RIMKLB: variants seen among roughly 807,000 people sequenced by gnomAD.
RIMKLB encodes the protein beta-citrylglutamate synthase B.
In RIMKLB, 7 loss-of-function variants were observed where a neutral mutation model predicts 32.0. That is an observed-to-expected ratio of 0.22 (90% CI 0.12 to 0.41). The LOEUF is 0.41. RIMKLB is among the 10% of genes least tolerant of loss of function. The probability of loss-of-function intolerance (pLI) is 1.00; values close to 1 mark genes in which losing one functional copy is unlikely to be tolerated. For missense variants in RIMKLB, 289 were observed against 498.7 expected (o/e 0.58, Z 4.00); for synonymous variants, 172 against 185.1 (o/e 0.93, Z 0.57).
chr12:8,718,095 A>G (rs1430337884), intron 2 of RIMKLB, among the ~76,000 whole-genome samples: 1 of 152,048 alleles, frequency 6.6e-6, no homozygotes, highest in Non-Finnish European at 1.5e-5. Flanking sequence ...ATTTTTCACA[A>G]CTATCCCACT....
At chr12:8,689,716 G>T (rs932300642) in intron 1 of RIMKLB, among the ~76,000 whole-genome samples, 2 of 151,736 alleles carry the variant, frequency 1.3e-5, no homozygotes, top group Non-Finnish European at 2.9e-5. Context: ...TCCTTTCTCC[G>T]GTGTCTTTGT....
At chr12:8,767,554 T>A (rs1950069520) in intron 5 of RIMKLB, among the ~76,000 whole-genome samples, 1 of 152,176 alleles carries the variant, frequency 6.6e-6, no homozygotes, top group Non-Finnish European at 1.5e-5. Flanking sequence ...AAAGTCGTGG[T>A]CGGGACCCAG....
intron 2 of RIMKLB, among the ~76,000 whole-genome samples, chr12:8,718,659 A>ATGTGTGTGTGTGTGTGTGTGTG (rs1213938637): frequency 1.7e-4 from 20 of 119,368 alleles, no homozygotes; most frequent in African/African-American, 6.5e-4. Flanking sequence ...CTCTCTATAT[A>ATGTGTGTGTGTGTGTGTGTGTG]TATATATATA....
chr12:8,751,963 A>G lies in RIMKLB; in HGVS notation c.413A>G (p.His138Arg). ...PLPDTFSYGG[H>R]ENFAKMIDEA... is the part of the protein sequence containing the mutation. ...TTTGTATTGCTCAAACCAGGTGGCC[A>G]CGAAAATTTTGCTAAAATGATTGAT... is the stretch of plus-strand genomic sequence containing the variant. Residue 138 changes from histidine to arginine, a missense_variant, in exon 4 of 6, where the codon CAC (histidine) becomes CGC (arginine). Physicochemically the swap from His to Arg is conservative, Grantham distance 29. Transcript: ENST00000535829. 1 of 1,612,076 alleles carries G rather than the reference A, an allele frequency of 6.2e-7. No individual in the cohort carries two copies.
At chr12:8,711,588 A>G (rs1449048440) in intron 1 of RIMKLB, among the ~76,000 whole-genome samples, 5 of 152,108 alleles carry the variant, frequency 3.3e-5, no homozygotes, top group Non-Finnish European at 5.9e-5. Context: ...TTACATATGT[A>G]TACATGTGAC....
At chr12:8,681,687 G>C (rs577534161) in exon 1 of RIMKLB, 1 of 152,286 alleles carries the variant, frequency 6.6e-6, no homozygotes, top group African/African-American at 2.4e-5. Flanking sequence ...GAGCTTCCGG[G>C]TTTATGGATT....
chr12:8,686,161 C>A (rs765172940), intron 1 of RIMKLB, among the ~76,000 whole-genome samples: 10 of 152,164 alleles, frequency 6.6e-5, no homozygotes, highest in Non-Finnish European at 1.5e-4. Flanking sequence ...AGGCTGCTCT[C>A]GAACTCCTGA....
At chr12:8,736,095 A>G (rs1430293638) in intron 2 of RIMKLB, among the ~76,000 whole-genome samples, 2 of 152,214 alleles carry the variant, frequency 1.3e-5, no homozygotes, top group Non-Finnish European at 2.9e-5. Flanking sequence ...TTTTGTTACA[A>G]CTGAAAGATT....
In RIMKLB at chr12:8,713,815, A is replaced by G; in HGVS notation, c.-52A>G. 6.4e-7 allele frequency: 1 copy of G among 1,573,080 alleles called. No individual in the cohort carries two copies. Among genetic ancestry groups the G allele is most frequent in the Non-Finnish European group, 8.8e-7 (1 of 1,142,696 alleles). ...TATATTTTTTCTTCCATCTAGGTAG[A>G]CGTTACATCCAAGAGGAAATAATCC... On this transcript the variant is annotated 5_prime_UTR_variant, in exon 2 of 6. Transcript: ENST00000535829.
chr12:8,675,813 C>T, the RIMKLB span, among the ~76,000 whole-genome samples: 5 of 141,982 alleles, frequency 3.5e-5, no homozygotes, highest in African/African-American at 1.1e-4. Context: ...TTTTTTTTAA[C>T]GGAAGTGTAA....
chr12:8,669,942 G>A, the RIMKLB span, among the ~76,000 whole-genome samples: 300 of 150,476 alleles, frequency 2.0e-3, 3 homozygotes, highest in Non-Finnish European at 3.1e-3. Context: ...CAGGAGAATG[G>A]TGCGAACCCG....
At chr12:8,732,912 G>A (rs1466452235) in intron 2 of RIMKLB, among the ~76,000 whole-genome samples, 3 of 151,962 alleles carry the variant, frequency 2.0e-5, no homozygotes, top group Admixed American at 1.3e-4. Flanking sequence ...TTTTAGTTGA[G>A]GTATAATTCA....
chr12:8,773,112 A>G (rs1048918625), intron 5 of RIMKLB, among the ~76,000 whole-genome samples: 3 of 151,894 alleles, frequency 2.0e-5, no homozygotes, highest in East Asian at 1.9e-4. Context: ...AATATTGACA[A>G]CTTACGAAAT....
intron 2 of RIMKLB, among the ~76,000 whole-genome samples, chr12:8,744,746 T>G (rs1947916416): frequency 6.6e-6 from 1 of 151,850 alleles, no homozygotes; most frequent in East Asian, 1.9e-4. Flanking sequence ...CTTCAACCTC[T>G]GCCTCCTAGG....
chr12:8,722,375 A>T (rs753758324), intron 2 of RIMKLB, among the ~76,000 whole-genome samples: 10 of 151,938 alleles, frequency 6.6e-5, no homozygotes, highest in Non-Finnish European at 8.8e-5. Flanking sequence ...TGAAAGGAAT[A>T]TTTTTTTTCT....
intron 5 of RIMKLB, among the ~76,000 whole-genome samples, chr12:8,771,591 T>G (rs1280557715): frequency 2.0e-5 from 3 of 152,232 alleles, no homozygotes; most frequent in African/African-American, 7.2e-5. Flanking sequence ...TTCTACTGCC[T>G]TGAAGATTTT....
chr12:8,745,011 ACGGGCC>A (rs1207901546), intron 2 of RIMKLB, among the ~76,000 whole-genome samples: 1 of 151,432 alleles, frequency 6.6e-6, no homozygotes, highest in Non-Finnish European at 1.5e-5. Context: ...TCACCTGCCA[ACGGGCC>A]CGGTGTGTGA....
upstream of RIMKLB, chr12:8,678,873 T>G (rs1449698086): frequency 1.3e-5 from 2 of 152,252 alleles, no homozygotes; most frequent in East Asian, 3.8e-4. Context: ...GATTTTTACC[T>G]ATTTAGCAGA....
At chr12:8,677,774 A>G (rs1199749173), upstream of RIMKLB, among the ~76,000 whole-genome samples, 2 of 149,786 alleles carry the variant, frequency 1.3e-5, no homozygotes, top group East Asian at 3.9e-4. Flanking sequence ...TTTTTTTGAG[A>G]CAGGGTCTCA....
Sources: gnomAD v4.1 joint callset for allele counts (sites outside exome capture counted in the v4.1 genomes callset) on GRCh38, gnomAD v4.1.1 for gene constraint, MANE v1.5 for transcripts, NCBI Gene and HGNC (gene_info 2026-07-23, HGNC 2026-07-21) for gene names.